Variants in CCDC97 observed in about 807,000 individuals in gnomAD.
CCDC97 encodes coiled-coil domain-containing protein 97.
CCDC97 carries 27 observed loss-of-function variants against 33.9 expected under a neutral mutation model. That is an observed-to-expected ratio of 0.80 (90% CI 0.59 to 1.10). CCDC97 has a LOEUF of 1.10. Ranked by LOEUF, CCDC97 falls within the 50% of genes least tolerant of loss-of-function variation. The pLI is 0.00. For missense variants in CCDC97, 422 were observed against 476.6 expected (o/e 0.89, Z 1.07); for synonymous variants, 217 against 194.0 (o/e 1.12, Z -0.99).
intron 4 of CCDC97, among the ~76,000 whole-genome samples, chr19:41,321,416 G>T (rs1319782801): frequency 6.6e-6 from 1 of 152,214 alleles, no homozygotes; most frequent in African/African-American, 2.4e-5. Flanking sequence ...ACCACAGTGT[G>T]TTGCCTCGGG....
At position 41,320,533 on chromosome 19, in the gene CCDC97, C is replaced by T. The variant is rs760188964; in HGVS notation, c.911+63C>T. On this transcript the variant is annotated intron_variant, in intron 4 of 4. Coordinates refer to ENST00000269967, the MANE Select transcript of CCDC97 (RefSeq NM_052848.3). The stretch of plus-strand genomic sequence containing the variant: ...GCATCCCACGGCCTTTGGTCACATG[C>T]AGAGCCCTTAACAAGCTGTGGGGGT... 2.6e-5 allele frequency: 42 copies of T among 1,601,536 alleles called. 1 individual carries two copies. In the Admixed American group the frequency reaches 6.8e-4, roughly 26 times the overall value.
rs1197702683 is a variant in CCDC97 at position 41,319,646 on chromosome 19, ATC to A, written c.578_579del (p.Leu193HisfsTer65). 8 of 1,614,080 alleles carry A rather than the reference ATC, an allele frequency of 5.0e-6. 1 individual carries two copies. Among genetic ancestry groups the A allele is most frequent in the Non-Finnish European group, 6.8e-6 (8 of 1,179,970 alleles). The stretch of plus-strand genomic sequence containing the variant: ...CTATATGAGCAGTACATCGGGCAGT[ATC>A]TCACCCAGGAGGAGCTCAGTGCCCG... On this transcript the variant is annotated frameshift_variant, in exon 3 of 5. Coordinates refer to ENST00000269967, the MANE Select transcript of CCDC97 (RefSeq NM_052848.3). LOFTEE classifies it high-confidence loss of function.
chr19:41,310,653 C>A, intron 1 of CCDC97: 1 of 1,325,668 alleles, frequency 7.5e-7, no homozygotes, highest in Non-Finnish European at 9.7e-7. Context: ...AACCTCTCTA[C>A]CCCGGCCTAA....
Position 41,322,789 on chromosome 19 carries a change from AC to A in CCDC97, c.*77del. ...CAGCTGATTCCAGGCCTGCTCAGTG[AC>A]CCTTTCTCTAGGGGGACATCAGGGC... On this transcript the variant is annotated 3_prime_UTR_variant, in exon 5 of 5. Transcript: ENST00000269967. The A allele has an allele frequency of 1.3e-6, 2 of 1,547,988 alleles. No individual in the cohort carries two copies. Among genetic ancestry groups the A allele is most frequent in the Middle Eastern group, 1.8e-4 (1 of 5,632 alleles).
intron 1 of CCDC97, among the ~76,000 whole-genome samples, chr19:41,312,771 GCTTCCC>G (rs1325166679): frequency 6.6e-6 from 1 of 152,024 alleles, no homozygotes; most frequent in Non-Finnish European, 1.5e-5. Flanking sequence ...TCCAATCTCT[GCTTCCC>G]CTTTTGACGT....
chr19:41,318,546 C>A (rs2037777704), intron 2 of CCDC97, among the ~76,000 whole-genome samples: 1 of 152,174 alleles, frequency 6.6e-6, no homozygotes, highest in African/African-American at 2.4e-5. Flanking sequence ...CAGGGACAGT[C>A]ACAGCCTATG....
At position 41,313,173 on chromosome 19, in the gene CCDC97, G is replaced by A. The variant is rs181087605; in HGVS notation, c.46+2817G>A. On this transcript the variant is annotated intron_variant, in intron 1 of 4. Transcript: ENST00000269967. Reference sequence around the variant, plus strand: ...TCAGAGGCATGTCCTCCCCGCATCTGTGCAGTGCTTTTTCCTGGACCCTCT... The same window carrying A: ...TCAGAGGCATGTCCTCCCCGCATCTATGCAGTGCTTTTTCCTGGACCCTCT... Among the ~76,000 whole-genome samples, 5 of 152,222 alleles carry A rather than the reference G, an allele frequency of 3.3e-5. No individual in the cohort carries two copies. The East Asian group carries it at 7.7e-4, about 24-fold the overall frequency.
chr19:41,314,488 A>G (rs1355295397), intron 1 of CCDC97, among the ~76,000 whole-genome samples: 1 of 152,270 alleles, frequency 6.6e-6, no homozygotes, highest in African/African-American at 2.4e-5. Flanking sequence ...GCATGAATGC[A>G]TGAGAGAGTG....
intron 1 of CCDC97, among the ~76,000 whole-genome samples, chr19:41,314,743 TA>T (rs2037725387): frequency 6.6e-6 from 1 of 152,156 alleles, no homozygotes. Context: ...GTTTACACTG[TA>T]ATCTCAGCAC....
intron 1 of CCDC97, chr19:41,310,869 T>C (rs1228133904): frequency 3.7e-5 from 37 of 988,914 alleles, no homozygotes; most frequent in Non-Finnish European, 4.3e-5. Context: ...CAGGCTCCTT[T>C]CAAAGTCCTT....
intron 3 of CCDC97, 96 bp from the exon 4 acceptor site, chr19:41,320,245 A>C: frequency 4.6e-6 from 7 of 1,524,980 alleles, no homozygotes; most frequent in Non-Finnish European, 6.3e-6. Context: ...ACCCAGCGCA[A>C]GGCTGGGCAC....
In CCDC97 at chr19:41,320,286, T is replaced by G. The variant is rs76275311; in HGVS notation, c.782-55T>G. On this transcript the variant is annotated intron_variant, in intron 3 of 4. Transcript: ENST00000269967. ...CAGCAGCTCTCTGTGGACTCTGTGC[T>G]CAGTGCCTGCCCGAGTGCACCCGCA... 731 of 1,606,748 alleles carry G rather than the reference T, an allele frequency of 4.5e-4. 6 individuals are homozygous for G. The East Asian group carries it at 0.012, about 26-fold the overall frequency.
chr19:41,315,296 CAAAA>C (rs71177714), intron 1 of CCDC97, among the ~76,000 whole-genome samples: 7 of 41,726 alleles, frequency 1.7e-4, no homozygotes, highest in African/African-American at 4.1e-4. Context: ...GACTCCGTCT[CAAAA>C]AAAAAAAAAA....
rs185166711 is a variant in CCDC97 at position 41,317,461 on chromosome 19, G to A, written c.502+622G>A. Among the ~76,000 whole-genome samples the A allele has an allele frequency of 2.8e-3, 432 of 152,282 alleles. 5 individuals carry two copies. The highest frequency in any genetic ancestry group is 0.01 in the African/African-American group (417 of 41,552). ...AGAGAGGCTGGGCATGATGGCTTATGCCTGTAATCCCAGCACTTTGGGAGG... is the reference window on the plus strand; with the variant it reads ...AGAGAGGCTGGGCATGATGGCTTATACCTGTAATCCCAGCACTTTGGGAGG... On this transcript the variant is annotated intron_variant, in intron 2 of 4. Transcript: ENST00000269967.
chr19:41,316,846 G>A lies in CCDC97; in HGVS notation c.502+7G>A. On this transcript the variant is annotated splice_region_variant and intron_variant, in intron 2 of 4. Transcript: ENST00000269967. The stretch of plus-strand genomic sequence containing the variant: ...CTGCGAGAGCTGATCCAAGGTGTGG[G>A]GGCCAGATGGGCGACAGTGGGCACA... The A allele has an allele frequency of 1.3e-6, 2 of 1,571,528 alleles. No individual in the cohort carries two copies. The highest frequency in any genetic ancestry group is 1.1e-5 in the South Asian group (1 of 88,474).
intron 4 of CCDC97, among the ~76,000 whole-genome samples, chr19:41,321,004 T>C (rs544695261): frequency 6.6e-6 from 1 of 152,106 alleles, no homozygotes; most frequent in Non-Finnish European, 1.5e-5. Context: ...CAAAGATTGG[T>C]TTTGTCATTT....
intron 2 of CCDC97, among the ~76,000 whole-genome samples, chr19:41,318,056 C>T (rs1273521435): frequency 6.7e-6 from 1 of 149,006 alleles, no homozygotes; most frequent in African/African-American, 2.5e-5. Flanking sequence ...CTGAAAAAAG[C>T]AGGAAAGATA....
intron 4 of CCDC97, 116 bp from the exon 5 acceptor site, chr19:41,322,479 T>C: frequency 8.9e-7 from 1 of 1,122,408 alleles, no homozygotes; most frequent in Non-Finnish European, 1.3e-6. Context: ...CTTGGGAGGG[T>C]CAGCTCTGAC....
In CCDC97 at chr19:41,319,770, A is replaced by G; in HGVS notation, c.699A>G (p.Leu233=). The change falls in exon 3 of 5, where the codon CTA becomes CTG. Residue 233 remains leucine, a synonymous_variant. Transcript: ENST00000269967. Reference sequence around the variant, plus strand: ...TCCAGTCCTACGAGGAGCGGGAGCTACAGCAGCGTCTGCTCCAACAGCAGG... The same window carrying G: ...TCCAGTCCTACGAGGAGCGGGAGCTGCAGCAGCGTCTGCTCCAACAGCAGG... ...LLLQSYEERE[L]QQRLLQQQEE... is the part of the protein sequence containing the mutation. 6.2e-7 allele frequency: 1 copy of G among 1,613,328 alleles called. No individual in the cohort carries two copies. Among genetic ancestry groups the G allele is most frequent in the Non-Finnish European group, 8.5e-7 (1 of 1,179,716 alleles).
Sources: allele counts gnomAD v4.1 joint callset (sites outside exome capture counted in the v4.1 genomes callset), GRCh38; gene constraint gnomAD v4.1.1; transcripts MANE v1.5; gene names NCBI Gene and HGNC (gene_info 2026-07-23, HGNC 2026-07-21).